KIF3B: variants seen among roughly 807,000 people sequenced by gnomAD.
KIF3B encodes kinesin family member 3B, also known as kinesin-like protein KIF3B.
In KIF3B, 38 loss-of-function variants were observed where a neutral mutation model predicts 74.3. The ratio of observed to expected loss-of-function variants is 0.51; its 90% CI spans 0.39 to 0.67. The LOEUF is 0.67. Among genes scored for constraint, KIF3B ranks in the 30% least tolerant of loss-of-function variants. The pLI, the probability that KIF3B is intolerant of heterozygous loss-of-function variation, is 0.00. For synonymous variants in KIF3B, 326 were observed against 342.5 expected (o/e 0.95, Z 0.53); for missense variants, 649 against 932.0 (o/e 0.70, Z 3.95).
At chr20:32,315,689 G>A (rs2047823425) in intron 2 of KIF3B, among the ~76,000 whole-genome samples, 1 of 151,986 alleles carries the variant, frequency 6.6e-6, no homozygotes, top group Non-Finnish European at 1.5e-5. Flanking sequence ...TTCCAGCTTG[G>A]GTGACAGAAC....
At chr20:32,327,155 TGTGAA>T (rs771103951) in intron 6 of KIF3B, among the ~76,000 whole-genome samples, 1 of 152,150 alleles carries the variant, frequency 6.6e-6, no homozygotes, top group East Asian at 1.9e-4. Flanking sequence ...TTTCTCCAGC[TGTGAA>T]GTGAAGTATG....
At chr20:32,308,137 G>A (rs1002849801) in intron 1 of KIF3B, among the ~76,000 whole-genome samples, 2 of 152,092 alleles carry the variant, frequency 1.3e-5, no homozygotes, top group African/African-American at 2.4e-5. Flanking sequence ...TTGGGAGGCT[G>A]AGGCAGGAGA....
intron 5 of KIF3B, among the ~76,000 whole-genome samples, chr20:32,322,700 TTA>T (rs1276696497): frequency 2.7e-5 from 1 of 36,434 alleles, no homozygotes; most frequent in African/African-American, 1.4e-4. Context: ...TTATATATAT[TTA>T]TATATTTATA....
chr20:32,295,306 CT>C (rs138766721), intron 1 of KIF3B, among the ~76,000 whole-genome samples: 3,802 of 145,398 alleles, frequency 0.026, 151 homozygotes, highest in African/African-American at 0.089. Context: ...TTTTTTTTTT[CT>C]TTTGTGACAG....
intron 1 of KIF3B, among the ~76,000 whole-genome samples, chr20:32,291,680 A>G (rs1490593617): frequency 2.1e-5 from 3 of 144,916 alleles, no homozygotes; most frequent in Non-Finnish European, 4.5e-5. Flanking sequence ...CAGTGGTGCG[A>G]TCTAGGCCCA....
chr20:32,322,780 T>A (rs57462690), intron 5 of KIF3B, among the ~76,000 whole-genome samples: 8 of 58,060 alleles, frequency 1.4e-4, no homozygotes, highest in African/African-American at 8.0e-4. Flanking sequence ...ATATATATAT[T>A]TATATATATT....
chr20:32,293,350 A>G (rs1287901108), intron 1 of KIF3B, among the ~76,000 whole-genome samples: 1 of 151,692 alleles, frequency 6.6e-6, no homozygotes, highest in Non-Finnish European at 1.5e-5. Flanking sequence ...GTAATCCCAT[A>G]CTTTGGGAGG....
At chr20:32,324,123 A>AG (rs1434004601) in intron 5 of KIF3B, among the ~76,000 whole-genome samples, 3 of 151,886 alleles carry the variant, frequency 2.0e-5, no homozygotes, top group Non-Finnish European at 4.4e-5. Context: ...GAAAAAAAAA[A>AG]AAGAAGAAAT....
At chr20:32,298,280 T>A (rs941803704) in intron 1 of KIF3B, among the ~76,000 whole-genome samples, 1 of 150,858 alleles carries the variant, frequency 6.6e-6, no homozygotes. Context: ...TACAAACAGA[T>A]ACAACAATTA....
intron 1 of KIF3B, among the ~76,000 whole-genome samples, chr20:32,301,362 G>A (rs1171544281): frequency 6.6e-6 from 1 of 151,566 alleles, no homozygotes; most frequent in East Asian, 1.9e-4. Context: ...ACTGTGCCCA[G>A]CCCATGTTTT....
chr20:32,305,302 T>TC (rs1158141466), intron 1 of KIF3B, among the ~76,000 whole-genome samples: 1 of 152,046 alleles, frequency 6.6e-6, no homozygotes, highest in East Asian at 1.9e-4. Context: ...AGGTCAAGGC[T>TC]GCAGTGAGCT....
rs1393521306 is a variant in KIF3B, at chr20:32,309,709, C to G, written c.-65-4C>G. On this transcript the variant is annotated splice_region_variant and splice_polypyrimidine_tract_variant and intron_variant, in intron 1 of 8. Coordinates refer to ENST00000375712, the MANE Select transcript of KIF3B (RefSeq NM_004798.4). ...GTGCTTATTTACTTTTGCTTTTTCT[C>G]TAGGACCGTAGCATCCTGAGACATT... The G allele has an allele frequency of 1.6e-5, 25 of 1,536,862 alleles. No homozygotes were observed. In the East Asian group the frequency reaches 4.8e-4, roughly 29 times the overall value.
In KIF3B at chr20:32,309,984, G is replaced by C; in HGVS notation, c.207G>C (p.Gln69His). 1 of 1,614,192 alleles carries C rather than the reference G, an allele frequency of 6.2e-7. No individual in the cohort carries two copies. Among genetic ancestry groups the C allele is most frequent in the Non-Finnish European group, 8.5e-7 (1 of 1,180,038 alleles). Residue 69 changes from glutamine to histidine, a missense_variant, in exon 2 of 9, where the codon CAG (glutamine) becomes CAC (histidine). Physicochemically the swap from Gln to His is conservative, Grantham distance 24. Around this residue, in one of 4 missense-constraint regions of KIF3B, gnomAD observed 96 missense variants for 119.0 expected, o/e 0.81. Coordinates refer to ENST00000375712, the MANE Select transcript of KIF3B (RefSeq NM_004798.4). Reference sequence around the variant, plus strand: ...CCGTCTATGACTGGAATGCCAAGCAGTTTGAACTGTACGATGAGACGTTCC... The same window carrying C: ...CCGTCTATGACTGGAATGCCAAGCACTTTGAACTGTACGATGAGACGTTCC... ...FDAVYDWNAK[Q>H]FELYDETFRP...
intron 5 of KIF3B, among the ~76,000 whole-genome samples, chr20:32,322,935 T>C (rs1435945463): frequency 4.7e-5 from 2 of 43,006 alleles, no homozygotes; most frequent in African/African-American, 3.1e-4. Flanking sequence ...TATACATATT[T>C]ATATATATAC....
chr20:32,306,581 C>CTTTTTTTTT (rs935086574), intron 1 of KIF3B, among the ~76,000 whole-genome samples: 2 of 82,842 alleles, frequency 2.4e-5, no homozygotes, highest in African/African-American at 4.7e-5. Context: ...AGTTTTTCCT[C>CTTTTTTTTT]TTTTTTTTTT....
intron 5 of KIF3B, among the ~76,000 whole-genome samples, chr20:32,322,156 CATTT>C (rs1312782285): frequency 6.6e-6 from 1 of 151,946 alleles, no homozygotes; most frequent in African/African-American, 2.4e-5. Context: ...GATGTCTTTC[CATTT>C]ATTTATTATT....
intron 8 of KIF3B, 45 bp from the exon 9 acceptor site, chr20:32,331,178 C>A: frequency 1.4e-6 from 2 of 1,387,970 alleles, no homozygotes; most frequent in Non-Finnish European, 2.0e-6. Flanking sequence ...GTGTCAGGGA[C>A]AGAGATGGGG....
At position 32,330,206 on chromosome 20, in the gene KIF3B, A is replaced by G; in HGVS notation, c.2034A>G (p.Pro678=). ...GGACCACCAGAGACTATGAGGGTCC[A>G]GCCATTGCCCCCAAGGTCCAGGCTG... ...PSRTTRDYEG[P]AIAPKVQAAL... is the part of the protein sequence containing the mutation. The change falls in exon 8 of 9, where the codon CCA becomes CCG. Residue 678 remains proline, a synonymous_variant. Transcript: ENST00000375712. The G allele has an allele frequency of 6.2e-7, 1 of 1,614,196 alleles. No homozygotes were observed. The highest frequency in any genetic ancestry group is 8.5e-7 in the Non-Finnish European group (1 of 1,180,024).
intron 1 of KIF3B, among the ~76,000 whole-genome samples, chr20:32,308,264 T>C (rs1490390812): frequency 6.6e-6 from 1 of 152,196 alleles, no homozygotes; most frequent in Non-Finnish European, 1.5e-5. Flanking sequence ...CATTCTGTTG[T>C]GTAGGCTGGA....
Sources: gnomAD v4.1 joint callset for allele counts (sites outside exome capture counted in the v4.1 genomes callset) on GRCh38, gnomAD v4.1.1 for gene constraint, gnomAD v4.1.1 regional missense constraint, MANE v1.5 for transcripts, NCBI Gene and HGNC (gene_info 2026-07-23, HGNC 2026-07-21) for gene names.